The following RAB40C variants were observed in gnomAD, a reference collection of about 807,000 sequenced individuals.
RAB40C encodes RAB40C, member RAS oncogene family.
RAB40C carries 8 observed loss-of-function variants against 28.1 expected under a neutral mutation model. That is an observed-to-expected ratio of 0.28 (90% CI 0.17 to 0.51). RAB40C has a LOEUF of 0.51. RAB40C is among the 20% of genes least tolerant of loss of function. The pLI is 0.97. For synonymous variants in RAB40C, 201 were observed against 171.7 expected, an observed-to-expected ratio of 1.17 and a Z score of -1.34; for missense variants, 288 against 405.9, an observed-to-expected ratio of 0.71 and a Z score of 2.50.
At position 625,022 on chromosome 16, in the gene RAB40C, A is replaced by G. The variant is rs769373957; in HGVS notation, c.265-410A>G. 4.6e-6 allele frequency: 6 copies of G among 1,291,346 alleles called. No homozygotes were observed. In the South Asian group the frequency reaches 6.2e-5, roughly 13 times the overall value. 80.0% of individuals were successfully genotyped at this position (1,291,346 alleles called of 1,614,324 possible). ...CAAGTTTTAGGTTGGAAAACTCAGA[A>G]ATGCCCCCACTCAGCTCTGTCCCAG... On this transcript the variant is annotated intron_variant, in intron 3 of 5. Coordinates refer to ENST00000248139, the MANE Select transcript of RAB40C (RefSeq NM_021168.5).
intron 1 of RAB40C, among the ~76,000 whole-genome samples, chr16:613,610 C>T (rs1312392670): frequency 6.6e-6 from 1 of 152,246 alleles, no homozygotes; most frequent in East Asian, 1.9e-4. Context: ...CTTTTCACTG[C>T]TTCTTGGTCG....
intron 1 of RAB40C, among the ~76,000 whole-genome samples, chr16:607,992 C>T (rs1032115974): frequency 1.3e-5 from 2 of 150,002 alleles, no homozygotes; most frequent in Non-Finnish European, 3.0e-5. Context: ...AGGCAACGTG[C>T]TGTGCCCGTC....
chr16:615,547 C>A (rs1023651703), intron 1 of RAB40C, among the ~76,000 whole-genome samples: 1 of 152,202 alleles, frequency 6.6e-6, no homozygotes, highest in Non-Finnish European at 1.5e-5. Context: ...TGGAAAGTTT[C>A]CAGAGGGCCC....
chr16:600,070 G>A (rs544871841), intron 1 of RAB40C, among the ~76,000 whole-genome samples: 1 of 152,344 alleles, frequency 6.6e-6, no homozygotes, highest in South Asian at 2.1e-4. Context: ...GATTTGCAAA[G>A]TTTTGTTCCC....
chr16:618,163 C>T (rs369585698), intron 2 of RAB40C, 37 bp from the exon 3 acceptor site: 19 of 1,601,222 alleles, frequency 1.2e-5, no homozygotes, highest in Non-Finnish European at 1.5e-5. Context: ...CTCACAGGGA[C>T]CACAGTCCCG....
intron 3 of RAB40C, among the ~76,000 whole-genome samples, chr16:619,174 G>C (rs868101381): frequency 6.8e-6 from 1 of 146,916 alleles, no homozygotes; most frequent in Non-Finnish European, 1.5e-5. Flanking sequence ...CTGTGTGTGT[G>C]CACAGGTGTA....
intron 1 of RAB40C, among the ~76,000 whole-genome samples, chr16:597,907 C>T (rs2036163883): frequency 7.5e-6 from 1 of 133,168 alleles, no homozygotes; most frequent in South Asian, 2.5e-4. Context: ...TTGAGGCCAG[C>T]CTGGGCAACA....
chr16:590,978 C>G (rs1319940400), intron 1 of RAB40C, among the ~76,000 whole-genome samples: 1 of 141,482 alleles, frequency 7.1e-6, no homozygotes, highest in Non-Finnish European at 1.5e-5. Context: ...ATGTCATGGT[C>G]CCGGTAGAAG....
At chr16:621,208 C>T (rs554791375) in intron 3 of RAB40C, among the ~76,000 whole-genome samples, 80 of 152,368 alleles carry the variant, frequency 5.3e-4, no homozygotes, top group Non-Finnish European at 8.7e-4. Context: ...GGCCTCTGAC[C>T]GCCGTGACTG....
chr16:625,776 G>A (rs185809673), intron 4 of RAB40C, 123 bp from the exon 5 acceptor site: 77 of 1,054,230 alleles, frequency 7.3e-5, no homozygotes, highest in East Asian at 3.1e-4. Flanking sequence ...CTTGACCTCC[G>A]CCCACCTTGA....
intron 3 of RAB40C, among the ~76,000 whole-genome samples, chr16:619,721 A>T (rs2036672722): frequency 6.6e-6 from 1 of 152,188 alleles, no homozygotes; most frequent in Admixed American, 6.5e-5. Flanking sequence ...GGGAAGGTTC[A>T]GGTCTGTGCC....
rs1037771410 is a variant in RAB40C at position 623,835 on chromosome 16, A to C, written c.265-1597A>C. On this transcript the variant is annotated intron_variant, in intron 3 of 5. Coordinates refer to ENST00000248139, the MANE Select transcript of RAB40C (RefSeq NM_021168.5). ...TGTGGTGGTTCACACCTGTATTCCC[A>C]GCCACTCAGGAAGCTGAGGCTCAGA... is the stretch of plus-strand genomic sequence containing the variant. The C allele has an allele frequency of 8.1e-6, 4 of 494,022 alleles. 1 individual carries two copies. The highest frequency in any genetic ancestry group is 1.0e-5 in the Non-Finnish European group (4 of 381,056). 30.6% of individuals were successfully genotyped at this position (494,022 alleles called of 1,614,324 possible).
intron 1 of RAB40C, among the ~76,000 whole-genome samples, chr16:598,064 A>G (rs1424340317): frequency 3.4e-5 from 5 of 148,940 alleles, no homozygotes; most frequent in Non-Finnish European, 5.9e-5. Flanking sequence ...GGCCAACATG[A>G]TGAAACCCCG....
At chr16:624,340 G>C in intron 3 of RAB40C, 1 of 985,456 alleles carries the variant, frequency 1.0e-6, no homozygotes, top group African/African-American at 1.7e-5. Context: ...ACCCCTGGGT[G>C]TGCATTTGTT....
chr16:603,426 G>A (rs1461569523), intron 1 of RAB40C, among the ~76,000 whole-genome samples: 1 of 150,086 alleles, frequency 6.7e-6, no homozygotes, highest in Non-Finnish European at 1.5e-5. Flanking sequence ...TATGCCGGAA[G>A]ATTGAATGCG....
At chr16:622,421 G>A (rs2036738920) in intron 3 of RAB40C, among the ~76,000 whole-genome samples, 1 of 152,244 alleles carries the variant, frequency 6.6e-6, no homozygotes, top group Non-Finnish European at 1.5e-5. Context: ...TGTAGACGCT[G>A]AGGAAACTGA....
At chr16:594,901 C>T (rs940575783) in intron 1 of RAB40C, among the ~76,000 whole-genome samples, 2 of 151,322 alleles carry the variant, frequency 1.3e-5, no homozygotes, top group Non-Finnish European at 2.9e-5. Flanking sequence ...CTCACTGCAA[C>T]CTCTGCCTTC....
At chr16:600,500 C>G (rs1011991339) in intron 1 of RAB40C, among the ~76,000 whole-genome samples, 37 of 152,152 alleles carry the variant, frequency 2.4e-4, no homozygotes, top group Non-Finnish European at 4.3e-4. Context: ...CGCCTGTGAT[C>G]CCAGCACTTT....
At chr16:623,398 C>T (rs113609809) in intron 3 of RAB40C, among the ~76,000 whole-genome samples, 4,274 of 152,114 alleles carry the variant, frequency 0.028, 191 homozygotes, top group African/African-American at 0.097. Context: ...GCCTGTCATC[C>T]CAGCACTTTG....
Sources: allele counts gnomAD v4.1 joint callset (sites outside exome capture counted in the v4.1 genomes callset), GRCh38; gene constraint gnomAD v4.1.1; transcripts MANE v1.5; gene names NCBI Gene and HGNC (gene_info 2026-07-23, HGNC 2026-07-21).